DUS2: variants seen among roughly 807,000 people sequenced by gnomAD.
DUS2 encodes dihydrouridine synthase 2.
DUS2 carries 52 observed loss-of-function variants against 71.3 expected under a neutral mutation model. The ratio of observed to expected loss-of-function variants is 0.73; its 90% confidence interval spans 0.58 to 0.92. The LOEUF is 0.92. DUS2 is among the 40% of genes least tolerant of loss of function. The probability of loss-of-function intolerance (pLI) is 0.00; values close to 1 mark genes in which losing one functional copy is unlikely to be tolerated. For synonymous variants in DUS2, 204 were observed against 227.8 expected (o/e 0.90, Z 0.94); for missense variants, 558 against 622.6 (o/e 0.90, Z 1.10).
In DUS2 at chr16:68,054,572, A is replaced by G; in HGVS notation, c.265-2A>G. The G allele has an allele frequency of 6.2e-7, 1 of 1,614,084 alleles. No homozygotes were observed. The highest frequency in any genetic ancestry group is 8.5e-7 in the Non-Finnish European group (1 of 1,179,998). ...GGTTGATGCAGCCTCTTGTGTTCCC[A>G]GGGGACTTCAGACGCAGAGCGAGCC... On this transcript the variant is annotated splice_acceptor_variant, in intron 5 of 16. Coordinates refer to ENST00000565263, the MANE Select transcript of DUS2 (RefSeq NM_017803.5). LOFTEE classifies it high-confidence loss of function.
chr16:68,039,711 G>A (rs760564471), intron 3 of DUS2, among the ~76,000 whole-genome samples: 15 of 151,808 alleles, frequency 9.9e-5, no homozygotes, highest in African/African-American at 2.9e-4. Context: ...GTGAGCCACC[G>A]TGCCTGGCCC....
chr16:68,030,681 C>G (rs539678942), intron 2 of DUS2, among the ~76,000 whole-genome samples: 1 of 152,196 alleles, frequency 6.6e-6, no homozygotes, highest in South Asian at 2.1e-4. Context: ...GCATGTTTTG[C>G]ATATGTATAT....
In DUS2 at chr16:68,035,689, T is replaced by C. The variant is rs113788345; in HGVS notation, c.-18-2317T>C. Among the ~76,000 whole-genome samples, 1,377 of 147,464 alleles carry C rather than the reference T, an allele frequency of 9.3e-3. 30 individuals are homozygous for C. Among genetic ancestry groups the C allele is most frequent in the African/African-American group, 0.033 (1,289 of 39,492 alleles). ...TAGGCATGAGCCACCGTGCCTGGTC[T>C]CTCTTCTTCATTCTATGTGGTTTTT... is the stretch of plus-strand genomic sequence containing the variant. On this transcript the variant is annotated intron_variant, in intron 2 of 16. Transcript: ENST00000565263.
rs977467353 is a variant in DUS2 at position 68,079,140 on chromosome 16, A to G, written c.*154A>G. 1.5e-5 allele frequency: 10 copies of G among 659,936 alleles called. No homozygotes were observed. In the African/African-American group the frequency reaches 1.8e-4, roughly 12 times the overall value. 40.9% of individuals were successfully genotyped at this position (659,936 alleles called of 1,614,324 possible). A position where few individuals can be genotyped will look rare whatever the true frequency, so the allele number is the denominator to read the frequency against. ...GGGCCATCAGCCTAGAGCATGGACC[A>G]GGGGCCGCCCAGGGGTGGATCCTGG... is the stretch of plus-strand genomic sequence containing the variant. On this transcript the variant is annotated 3_prime_UTR_variant, in exon 17 of 17. Transcript: ENST00000565263.
chr16:68,061,882 C>T (rs2033944458), intron 8 of DUS2, among the ~76,000 whole-genome samples: 2 of 152,216 alleles, frequency 1.3e-5, no homozygotes, highest in Admixed American at 1.3e-4. Flanking sequence ...GCCAGCAGCC[C>T]AACCCTGCAT....
At chr16:68,026,292 A>G (rs2033349022) in intron 2 of DUS2, among the ~76,000 whole-genome samples, 1 of 152,128 alleles carries the variant, frequency 6.6e-6, no homozygotes, top group Admixed American at 6.6e-5. Flanking sequence ...TGCCCAGCCG[A>G]GAAATTGGTA....
At chr16:68,042,524 G>A (rs1045891327) in intron 3 of DUS2, among the ~76,000 whole-genome samples, 1 of 151,954 alleles carries the variant, frequency 6.6e-6, no homozygotes, top group Non-Finnish European at 1.5e-5. Context: ...CCTCAAAAAT[G>A]CTTGTTTGAT....
chr16:68,038,131 G>A lies in DUS2; in HGVS notation c.108G>A (p.Ala36=). 7 of 1,613,790 alleles carry A rather than the reference G, an allele frequency of 4.3e-6. No individual in the cohort carries two copies. The highest frequency in any genetic ancestry group is 1.1e-5 in the South Asian group (1 of 91,068). Residue 36 remains alanine, a synonymous_variant, in exon 3 of 17, where the codon GCG becomes GCA. Coordinates refer to ENST00000565263, the MANE Select transcript of DUS2 (RefSeq NM_017803.5). The part of the protein sequence containing the change: ...PMRLLALDYG[A]DIVYCEELID... ...GGCTGCTGGCCCTGGATTATGGAGC[G>A]GACATTGTTTACTGTGAGGTAAGGG... is the stretch of plus-strand genomic sequence containing the variant.
chr16:68,075,060 T>C (rs1468386280), intron 13 of DUS2, among the ~76,000 whole-genome samples: 1 of 152,194 alleles, frequency 6.6e-6, no homozygotes, highest in African/African-American at 2.4e-5. Context: ...GGGGATACCA[T>C]CTGTGTGCTT....
intron 2 of DUS2, chr16:68,026,985 T>C (rs995609004): frequency 2.6e-5 from 4 of 151,798 alleles, no homozygotes; most frequent in Admixed American, 1.3e-4. Flanking sequence ...GTATCCAGAA[T>C]TGGGCTCAAC....
Position 68,078,382 on chromosome 16 carries a change from C to A in DUS2, c.1171-63C>A, listed in dbSNP as rs1011938536. 5 of 1,471,710 alleles carry A rather than the reference C, an allele frequency of 3.4e-6. No homozygotes were observed. The East Asian group carries it at 1.1e-4, about 33-fold the overall frequency. The allele number at this position is 1,471,710 out of a possible 1,614,324, so 91.2% of individuals were successfully genotyped here. A position where few individuals can be genotyped will look rare whatever the true frequency, so the allele number is the denominator to read the frequency against. On this transcript the variant is annotated intron_variant, in intron 15 of 16. Transcript: ENST00000565263. ...CCTTTTATCTGCCTTTGATTTGACC[C>A]CAGCAGTTTGGCCTACAGGGCTCAT...
intron 7 of DUS2, 74 bp downstream of exon 7, chr16:68,056,498 A>G (rs2033853404): frequency 8.1e-7 from 1 of 1,234,326 alleles, no homozygotes; most frequent in Non-Finnish European, 1.2e-6. Flanking sequence ...AACTAAGTAT[A>G]GTACCTAACT....
intron 3 of DUS2, among the ~76,000 whole-genome samples, chr16:68,042,770 G>A (rs957066938): frequency 4.6e-5 from 7 of 151,846 alleles, no homozygotes; most frequent in Admixed American, 1.3e-4. Flanking sequence ...GTGCCATGGC[G>A]TGATCTCAGT....
chr16:68,061,097 C>G lies in DUS2; in HGVS notation c.401C>G (p.Pro134Arg), dbSNP rs995641874. The change falls in exon 8 of 17, where the codon CCT becomes CGT. Residue 134 changes from proline to arginine, a missense_variant. Pro to Arg is a moderately radical substitution (Grantham distance 103, BLOSUM62 -2). Transcript: ENST00000565263. ...GGMGAALLSDPDKIEKILSTL... is the reference protein window; with the variant it reads ...GGMGAALLSDRDKIEKILSTL... ...ATGGGAGCTGCCCTGCTGTCAGACC[C>G]TGACAAGATTGAGAAGGTAAGTCCT... 6.2e-7 allele frequency: 1 copy of G among 1,613,954 alleles called. No homozygotes were observed. The highest frequency in any genetic ancestry group is 1.3e-5 in the African/African-American group (1 of 74,902).
intron 3 of DUS2, among the ~76,000 whole-genome samples, chr16:68,043,354 T>C (rs1020192618): frequency 5.3e-5 from 8 of 150,866 alleles, no homozygotes; most frequent in Non-Finnish European, 1.0e-4. Context: ...TGCAGTGAAC[T>C]GAGATCACGC....
intron 2 of DUS2, among the ~76,000 whole-genome samples, chr16:68,026,645 A>G (rs951097712): frequency 2.6e-5 from 4 of 151,994 alleles, no homozygotes; most frequent in African/African-American, 9.7e-5. Context: ...TTGAGAGGCC[A>G]AGGCGGGCAG....
intron 11 of DUS2, 88 bp downstream of exon 11, chr16:68,070,308 A>C (rs1168552465): frequency 7.6e-7 from 1 of 1,312,518 alleles, no homozygotes; most frequent in Non-Finnish European, 1.1e-6. Flanking sequence ...TAGAGTGAAA[A>C]GTTTTAGGGG....
Position 68,046,133 on chromosome 16 carries a change from T to G in DUS2, c.127-3372T>G, listed in dbSNP as rs1250220165. ...GTGATGCTGAGGGTTTGGCTTCTAT[T>G]GATCCTGTCACCCAGATAGTGAACA... On this transcript the variant is annotated intron_variant, in intron 3 of 16. Coordinates refer to ENST00000565263, the MANE Select transcript of DUS2 (RefSeq NM_017803.5). Among the ~76,000 whole-genome samples the G allele has an allele frequency of 2.0e-5, 3 of 152,214 alleles. No individual in the cohort carries two copies. The East Asian group carries it at 5.8e-4, about 29-fold the overall frequency.
intron 2 of DUS2, among the ~76,000 whole-genome samples, chr16:68,029,425 G>A (rs1423894854): frequency 6.6e-6 from 1 of 151,956 alleles, no homozygotes; most frequent in Non-Finnish European, 1.5e-5. Flanking sequence ...ACAGGTGTGA[G>A]CTACCACACC....
Sources: allele counts gnomAD v4.1 joint callset (sites outside exome capture counted in the v4.1 genomes callset), GRCh38; gene constraint gnomAD v4.1.1; transcripts MANE v1.5; gene names NCBI Gene and HGNC (gene_info 2026-07-23, HGNC 2026-07-21).